The following FANK1 variants were observed in gnomAD, a reference collection of about 807,000 sequenced individuals.
FANK1 encodes fibronectin type 3 and ankyrin repeat domains protein 1.
In FANK1, 44 loss-of-function variants were observed where a neutral mutation model predicts 45.3. The observed-to-expected ratio is 0.97, with a 90% CI of 0.76 to 1.25. The LOEUF is 1.25. Among genes scored for constraint, FANK1 ranks in the 50% most tolerant of loss-of-function variants. FANK1 has a pLI of 0.00. For synonymous variants in FANK1, 149 were observed against 152.5 expected, an observed-to-expected ratio of 0.98 and a Z score of 0.17; for missense variants, 391 against 424.4, an observed-to-expected ratio of 0.92 and a Z score of 0.69.
chr10:125,942,921 C>T (rs866426577), intron 1 of FANK1, among the ~76,000 whole-genome samples: 1 of 149,776 alleles, frequency 6.7e-6, no homozygotes, highest in South Asian at 2.1e-4. Flanking sequence ...TCCAGCAATT[C>T]TCCTGCCTCA....
At chr10:125,905,050 G>T (rs182699214) in intron 1 of FANK1, among the ~76,000 whole-genome samples, 1 of 146,646 alleles carries the variant, frequency 6.8e-6, no homozygotes, top group Non-Finnish European at 1.5e-5. Context: ...AGAATGGTGT[G>T]AACCCGGGAG....
chr10:125,941,929 G>A (rs188939410), intron 1 of FANK1, among the ~76,000 whole-genome samples: 2 of 152,168 alleles, frequency 1.3e-5, no homozygotes, highest in African/African-American at 4.8e-5. Context: ...GGTGTCTTTG[G>A]GGGTTATTCA....
At chr10:125,959,136 C>T (rs10901481) in intron 1 of FANK1, among the ~76,000 whole-genome samples, 56,233 of 151,826 alleles carry the variant, frequency 0.37, 10,927 homozygotes, top group Non-Finnish European at 0.44. Context: ...GTGGCTCATG[C>T]CTGTAATCCC....
At chr10:125,977,648 G>T (rs536563675) in intron 1 of FANK1, among the ~76,000 whole-genome samples, 1 of 152,214 alleles carries the variant, frequency 6.6e-6, no homozygotes, top group African/African-American at 2.4e-5. Flanking sequence ...TGTGGCCGGG[G>T]GTTATTTGCT....
intron 1 of FANK1, among the ~76,000 whole-genome samples, chr10:125,933,790 G>A (rs961710693): frequency 6.6e-6 from 1 of 151,988 alleles, no homozygotes; most frequent in Non-Finnish European, 1.5e-5. Context: ...TTTCCTCTTA[G>A]CACCACCTTT....
intron 8 of FANK1, 37 bp from the exon 9 acceptor site, chr10:126,009,017 G>GA: frequency 1.2e-6 from 2 of 1,601,172 alleles, no homozygotes; most frequent in African/African-American, 1.3e-5. Flanking sequence ...CCTGGAGGGA[G>GA]AAGCTCATGC....
At chr10:125,920,319 A>G (rs1426277382) in intron 1 of FANK1, among the ~76,000 whole-genome samples, 1 of 152,236 alleles carries the variant, frequency 6.6e-6, no homozygotes, top group Non-Finnish European at 1.5e-5. Context: ...AACTGTGATT[A>G]TAATACATTA....
chr10:125,946,279 A>G (rs1409462150), intron 1 of FANK1, among the ~76,000 whole-genome samples: 1 of 151,346 alleles, frequency 6.6e-6, no homozygotes, highest in Non-Finnish European at 1.5e-5. Flanking sequence ...ACGAGCTGAG[A>G]GAAGAAGGCT....
chr10:125,906,515 CAAAAAA>C (rs34132526), intron 1 of FANK1, among the ~76,000 whole-genome samples: 924 of 46,354 alleles, frequency 0.02, 6 homozygotes, highest in Non-Finnish European at 0.032. Flanking sequence ...GACTCTGTCT[CAAAAAA>C]AAAAAAAAAA....
intron 1 of FANK1, among the ~76,000 whole-genome samples, chr10:125,929,441 A>G (rs918519496): frequency 1.3e-5 from 2 of 152,170 alleles, no homozygotes; most frequent in African/African-American, 2.4e-5. Flanking sequence ...TCCTGGGGGA[A>G]CTTCTCTTAA....
intron 1 of FANK1, among the ~76,000 whole-genome samples, chr10:125,955,731 C>CA (rs1564911017): frequency 6.6e-6 from 1 of 152,164 alleles, no homozygotes; most frequent in Non-Finnish European, 1.5e-5. Flanking sequence ...CTCACCCTCT[C>CA]AAAGTGCTGG....
chr10:125,996,605 G>T lies in FANK1; in HGVS notation c.454G>T (p.Ala152Ser), dbSNP rs762982116. 54 of 1,613,980 alleles carry T rather than the reference G, an allele frequency of 3.3e-5. No homozygotes were observed. The Admixed American group carries it at 8.8e-4, about 26-fold the overall frequency. ...TGGCTTTACCGCTCTGATGGTTGCTGCCCAGAAAGGATACACCAGGTATGG... is the reference window on the plus strand; with the variant it reads ...TGGCTTTACCGCTCTGATGGTTGCTTCCCAGAAAGGATACACCAGGTATGG... Reference protein sequence around the residue: ...KFGFTALMVAAQKGYTRLVKI... With the variant: ...KFGFTALMVASQKGYTRLVKI... Residue 152 changes from alanine (A) to serine (S), a missense_variant, in exon 5 of 11, where the codon GCC becomes TCC. Transcript: ENST00000368693.
chr10:125,980,207 G>A lies in FANK1; in HGVS notation c.60G>A (p.Val20=). ...CTCATCCACCTGTCGTGGGCAAAGT[G>A]ACTCATCACAGCATTGAATTATACT... The part of the protein sequence containing the change: ...SKPHPPVVGK[V]THHSIELYWD... The change falls in exon 2 of 11, where the codon GTG becomes GTA. Residue 20 remains valine, a synonymous_variant. Transcript: ENST00000368693. 1.9e-6 allele frequency: 3 copies of A among 1,614,056 alleles called. No individual in the cohort carries two copies. The highest frequency in any genetic ancestry group is 2.5e-6 in the Non-Finnish European group (3 of 1,180,008).
rs545585164 is a variant in FANK1 at position 125,977,342 on chromosome 10, AG to A, written c.14-2813del. ...GCTTACTTGTTGTCTCTGGTTTCAG[AG>A]GGGGGTATGTTAATGAGGTGTTTTT... On this transcript the variant is annotated intron_variant, in intron 1 of 10. Coordinates refer to ENST00000368693, the MANE Select transcript of FANK1 (RefSeq NM_145235.5). 1.1e-4 allele frequency among the ~76,000 whole-genome samples: 16 copies of A among 152,182 alleles called. No individual in the cohort carries two copies. In the East Asian group the frequency reaches 1.7e-3, roughly 17 times the overall value.
At position 126,009,090 on chromosome 10, in the gene FANK1, T is replaced by C; in HGVS notation, c.886T>C (p.Leu296=). 1 of 1,614,232 alleles carries C rather than the reference T, an allele frequency of 6.2e-7. No homozygotes were observed. Residue 296 remains leucine, a synonymous_variant, in exon 9 of 11, where the codon TTA becomes CTA. Transcript: ENST00000368693. ...VLNNHEELVQ[L]LLDKGADASV... The stretch of plus-strand genomic sequence containing the variant: ...AAATAATCATGAAGAGTTAGTTCAG[T>C]TACTTCTTGACAAAGGGGCAGATGC...
At chr10:125,963,432 C>A (rs898487594) in intron 1 of FANK1, among the ~76,000 whole-genome samples, 1 of 152,206 alleles carries the variant, frequency 6.6e-6, no homozygotes, top group East Asian at 1.9e-4. Context: ...TGCTGCTATA[C>A]AGACACATGC....
chr10:125,981,893 G>T (rs1163381790), intron 2 of FANK1, among the ~76,000 whole-genome samples: 1 of 152,210 alleles, frequency 6.6e-6, no homozygotes, highest in East Asian at 1.9e-4. Context: ...TTATGTGTAT[G>T]TGTGTATAAA....
chr10:125,940,450 A>G (rs1204514580), intron 1 of FANK1, among the ~76,000 whole-genome samples: 1 of 152,174 alleles, frequency 6.6e-6, no homozygotes, highest in Non-Finnish European at 1.5e-5. Flanking sequence ...TCAGTGTAGT[A>G]AAGAGTAACA....
intron 1 of FANK1, among the ~76,000 whole-genome samples, chr10:125,947,777 A>G (rs1948917335): frequency 7.4e-6 from 1 of 134,510 alleles, no homozygotes; most frequent in Admixed American, 7.4e-5. Flanking sequence ...ATAGACATCT[A>G]CAGAACTCTC....
Sources: gnomAD v4.1 joint callset for allele counts (sites outside exome capture counted in the v4.1 genomes callset) on GRCh38, gnomAD v4.1.1 for gene constraint, MANE v1.5 for transcripts, NCBI Gene and HGNC (gene_info 2026-07-23, HGNC 2026-07-21) for gene names.